SECISBP2L: variants seen among roughly 807,000 people sequenced by gnomAD.
SECISBP2L encodes the protein SECIS binding protein 2 like, also known as selenocysteine insertion sequence-binding protein 2-like.
SECISBP2L carries 43 observed loss-of-function variants against 114.7 expected under a neutral mutation model. The ratio of observed to expected loss-of-function variants is 0.38; its 90% CI spans 0.29 to 0.48. The LOEUF (loss-of-function observed/expected upper bound fraction) is 0.48, where lower values mean the gene tolerates loss of function less well. SECISBP2L is among the 20% of genes least tolerant of loss of function. The pLI, the probability that SECISBP2L is intolerant of heterozygous loss-of-function variation, is 0.98. For synonymous variants in SECISBP2L, 451 were observed against 439.7 expected (o/e 1.03, Z -0.32); for missense variants, 1,136 against 1,301.1 (o/e 0.87, Z 1.95).
At chr15:48,999,811 T>A in intron 16 of SECISBP2L, 22 bp downstream of exon 16, 1 of 1,610,336 alleles carries the variant, frequency 6.2e-7, no homozygotes, top group Admixed American at 1.7e-5. Context: ...AGAGCAAGAG[T>A]GTGTGTCTTC....
chr15:49,014,356 CTAA>C (rs751716178), intron 11 of SECISBP2L, among the ~76,000 whole-genome samples: 7 of 152,152 alleles, frequency 4.6e-5, no homozygotes, highest in South Asian at 4.1e-4. Context: ...CATCTTTTTC[CTAA>C]TTTTTCTTTC....
chr15:49,022,792 A>G (rs1048193753), intron 7 of SECISBP2L, among the ~76,000 whole-genome samples: 5 of 152,260 alleles, frequency 3.3e-5, no homozygotes, highest in Non-Finnish European at 7.3e-5. Flanking sequence ...GTCAGTGAAG[A>G]AGAGATCAAC....
At chr15:49,000,318 T>G (rs1298911128) in intron 15 of SECISBP2L, among the ~76,000 whole-genome samples, 1 of 152,194 alleles carries the variant, frequency 6.6e-6, no homozygotes, top group Non-Finnish European at 1.5e-5. Flanking sequence ...CTTGCAAATG[T>G]TTCAGCTCAA....
chr15:49,008,958 C>T (rs1240340275), intron 14 of SECISBP2L, among the ~76,000 whole-genome samples: 1 of 152,056 alleles, frequency 6.6e-6, no homozygotes, highest in African/African-American at 2.4e-5. Flanking sequence ...TATTAAGAGT[C>T]TAGATTTCTA....
chr15:49,019,407 GA>G lies in SECISBP2L; in HGVS notation c.1170+10del, dbSNP rs1234550909. 1.3e-5 allele frequency: 18 copies of G among 1,417,346 alleles called. No homozygotes were observed. The highest frequency in any genetic ancestry group is 1.0e-4 in the African/African-American group (7 of 67,136). The allele number at this position is 1,417,346 out of a possible 1,614,324, so 87.8% of individuals were successfully genotyped here. A position where few individuals can be genotyped will look rare whatever the true frequency, so the allele number is the denominator to read the frequency against. ...CTATAACAGCTTACAAATAGAGTTTGAAAAAAATACCTCAAAATATAAAGAC... is the reference window on the plus strand; with the variant it reads ...CTATAACAGCTTACAAATAGAGTTTGAAAAAATACCTCAAAATATAAAGAC... On this transcript the variant is annotated intron_variant, in intron 8 of 17. Transcript: ENST00000559471.
chr15:49,001,252 T>A (rs1414022266), intron 14 of SECISBP2L, among the ~76,000 whole-genome samples, 155 bp from the exon 15 acceptor site: 1 of 152,192 alleles, frequency 6.6e-6, no homozygotes, highest in Admixed American at 6.6e-5. Context: ...CTTAAATCCT[T>A]CAGTCATTTA....
intron 6 of SECISBP2L, 42 bp from the exon 7 acceptor site, chr15:49,027,522 G>A (rs774640952): frequency 2.3e-6 from 3 of 1,325,834 alleles, no homozygotes; most frequent in South Asian, 1.5e-5. Flanking sequence ...ACTTATAAAA[G>A]GTAGGAAAAC....
In SECISBP2L at chr15:48,996,600, G is replaced by A; in HGVS notation, c.2404-14C>T. The A allele has an allele frequency of 2.5e-6, 4 of 1,601,910 alleles. No homozygotes were observed. The highest frequency in any genetic ancestry group is 3.4e-6 in the Non-Finnish European group (4 of 1,172,300). On this transcript the variant is annotated splice_polypyrimidine_tract_variant and intron_variant, in intron 16 of 17. Transcript: ENST00000559471. Reference sequence around the variant, plus strand: ...ATTAAACAGGCTCTGAAAAGAAAGAGTATTTTGATTAATCCATTTTTTTGT... The same window carrying A: ...ATTAAACAGGCTCTGAAAAGAAAGAATATTTTGATTAATCCATTTTTTTGT...
In SECISBP2L at chr15:49,012,817, A is replaced by G; in HGVS notation, c.1562T>C (p.Val521Ala). ...ITNTRPLSYT[V>A]VTAASFHTKD... The stretch of plus-strand genomic sequence containing the variant: ...AGTGTGAAAAGAAGCTGCAGTAACC[A>G]CTAAAAACAAAGAGGAACATTAGTT... Residue 521 changes from valine (V) to alanine (A), a missense_variant and splice_region_variant, in exon 12 of 18, where the codon GTG (valine) becomes GCG (alanine). By Grantham distance (64) the Val-to-Ala change is moderately conservative (BLOSUM62 0). Transcript: ENST00000559471. The G allele has an allele frequency of 6.2e-7, 1 of 1,602,982 alleles. No individual in the cohort carries two copies. The highest frequency in any genetic ancestry group is 8.5e-7 in the Non-Finnish European group (1 of 1,177,466).
chr15:49,011,117 A>G (rs544319017), intron 13 of SECISBP2L, among the ~76,000 whole-genome samples: 4 of 152,240 alleles, frequency 2.6e-5, no homozygotes, highest in Non-Finnish European at 5.9e-5. Context: ...TGTGTAAACC[A>G]GATTTAAATG....
chr15:49,017,241 T>C (rs1245787437), intron 9 of SECISBP2L, among the ~76,000 whole-genome samples: 25 of 152,280 alleles, frequency 1.6e-4, no homozygotes, highest in Non-Finnish European at 1.5e-5. Flanking sequence ...GATCCTTGAA[T>C]GAAATAAAAC....
At chr15:48,996,815 T>A (rs535767805) in intron 16 of SECISBP2L, among the ~76,000 whole-genome samples, 6 of 152,352 alleles carry the variant, frequency 3.9e-5, no homozygotes, top group Non-Finnish European at 8.8e-5. Context: ...ATTCCAACAC[T>A]AGCCACTAAA....
intron 13 of SECISBP2L, among the ~76,000 whole-genome samples, chr15:49,010,116 C>G (rs555326036): frequency 6.7e-5 from 10 of 150,056 alleles, no homozygotes; most frequent in Non-Finnish European, 1.5e-4. Context: ...TGGGCAACAA[C>G]AGAGGCAGAC....
At chr15:49,026,823 C>T (rs1443416864) in intron 7 of SECISBP2L, among the ~76,000 whole-genome samples, 1 of 152,132 alleles carries the variant, frequency 6.6e-6, no homozygotes, top group Admixed American at 6.5e-5. Flanking sequence ...TTACAGCCAA[C>T]CAAAGCAGGA....
intron 4 of SECISBP2L, among the ~76,000 whole-genome samples, chr15:49,029,625 C>T (rs896718851): frequency 6.6e-6 from 1 of 152,128 alleles, no homozygotes; most frequent in African/African-American, 2.4e-5. Context: ...GATACACAGA[C>T]ACATGAACAT....
intron 4 of SECISBP2L, among the ~76,000 whole-genome samples, chr15:49,030,685 T>C (rs1232135336): frequency 1.3e-5 from 2 of 152,224 alleles, no homozygotes; most frequent in African/African-American, 2.4e-5. Context: ...TCTTCTACCA[T>C]AGGGTTTCCC....
chr15:49,026,786 T>C (rs529945251), intron 7 of SECISBP2L, among the ~76,000 whole-genome samples: 2 of 152,122 alleles, frequency 1.3e-5, no homozygotes, highest in East Asian at 3.9e-4. Flanking sequence ...AAAGGAAAAA[T>C]AATGACCATT....
At chr15:49,000,802 A>G (rs1902188033) in intron 15 of SECISBP2L, 75 bp downstream of exon 15, 2 of 1,205,456 alleles carry the variant, frequency 1.7e-6, no homozygotes, top group Non-Finnish European at 2.3e-6. Context: ...AGAAAGACAT[A>G]TGGCTTCTAC....
chr15:49,028,222 T>C (rs1257487487), intron 5 of SECISBP2L, 54 bp from the exon 6 acceptor site: 12 of 1,447,454 alleles, frequency 8.3e-6, no homozygotes, highest in Non-Finnish European at 1.1e-5. Context: ...CAACATTATG[T>C]ACTTTGCTAA....
Sources: allele counts gnomAD v4.1 joint callset (sites outside exome capture counted in the v4.1 genomes callset), GRCh38; gene constraint gnomAD v4.1.1; transcripts MANE v1.5; gene names NCBI Gene and HGNC (gene_info 2026-07-23, HGNC 2026-07-21).